Variants in SASH1 observed in about 807,000 individuals in gnomAD.
SASH1 encodes SAM and SH3 domain-containing protein 1.
Under a neutral mutation model 125.2 loss-of-function variants are expected in SASH1, and 44 were observed. The observed-to-expected ratio is 0.35, with a 90% CI of 0.28 to 0.45. The LOEUF (loss-of-function observed/expected upper bound fraction) is 0.45. Among genes scored for constraint, SASH1 ranks in the 20% least tolerant of loss-of-function variants. The pLI is 1.00. For missense variants in SASH1, 1,426 were observed against 1,614.5 expected (o/e 0.88, Z 2.00); for synonymous variants, 639 against 649.1 (o/e 0.98, Z 0.24).
chr6:148,292,336 G>C (rs1197927585), intron 1 of SASH1, among the ~76,000 whole-genome samples: 1 of 152,156 alleles, frequency 6.6e-6, no homozygotes, highest in Non-Finnish European at 1.5e-5. Flanking sequence ...TGGGCAGAAG[G>C]TGACACATTT....
intron 1 of SASH1, among the ~76,000 whole-genome samples, chr6:148,378,201 G>A (rs965354788): frequency 2.0e-5 from 3 of 151,742 alleles, no homozygotes; most frequent in East Asian, 1.9e-4. Flanking sequence ...ACAGGCATGC[G>A]CCACCATGCC....
chr6:148,390,228 T>G lies in SASH1; in HGVS notation c.251T>G (p.Leu84Arg). 6.2e-7 allele frequency: 1 copy of G among 1,612,612 alleles called. No homozygotes were observed. The highest frequency in any genetic ancestry group is 1.1e-5 in the South Asian group (1 of 91,020). ...FSDVCERMEE[L>R]RKRRVSQDLE... ...GACGTGTGCGAGAGGATGGAGGAGCTGCGGAAACGGCGGGTTTCCCAGGAC... is the reference window on the plus strand; with the variant it reads ...GACGTGTGCGAGAGGATGGAGGAGCGGCGGAAACGGCGGGTTTCCCAGGAC... Residue 84 changes from leucine to arginine, a missense_variant, in exon 2 of 20, where the codon CTG (leucine) becomes CGG (arginine). Around this residue, in one of 3 missense-constraint regions of SASH1, gnomAD observed 567 missense variants for 575.6 expected, o/e 0.99. Transcript: ENST00000367467.
chr6:148,353,543 T>G (rs375213636), intron 1 of SASH1, among the ~76,000 whole-genome samples: 26 of 150,126 alleles, frequency 1.7e-4, no homozygotes, highest in African/African-American at 6.1e-4. Flanking sequence ...CAAATGATTC[T>G]CCTGCCTCAG....
In SASH1 at chr6:148,544,853, C is replaced by T; in HGVS notation, c.3348+35C>T. ...GTCCTGGGCCCACCACGTTCACAGGCCTTTGTTTGTAGAAGTCAGGCAGCC... is the reference window on the plus strand; with the variant it reads ...GTCCTGGGCCCACCACGTTCACAGGTCTTTGTTTGTAGAAGTCAGGCAGCC... On this transcript the variant is annotated intron_variant, in intron 18 of 19. Transcript: ENST00000367467. This position sits in a 1 kb window ranked among gnomAD's most constrained non-coding sequence, Gnocchi z 6.4. 1 of 1,513,720 alleles carries T rather than the reference C, an allele frequency of 6.6e-7. No homozygotes were observed. The highest frequency in any genetic ancestry group is 8.9e-7 in the Non-Finnish European group (1 of 1,128,916). 93.8% of individuals were successfully genotyped at this position (1,513,720 alleles called of 1,614,324 possible).
chr6:148,490,750 T>C (rs1779074893), intron 8 of SASH1, among the ~76,000 whole-genome samples: 1 of 152,198 alleles, frequency 6.6e-6, no homozygotes, highest in African/African-American at 2.4e-5. Context: ...ACGCTGATGG[T>C]TTTCCATTTC....
Position 148,447,642 on chromosome 6 carries a change from C to T in SASH1, c.386+7235C>T, listed in dbSNP as rs568465618. ...TCCTCCCCTTCCTTCTCCTCCTCCTCCTCCTTTTCCTCCTCTTCTTCCTCT... is the reference window on the plus strand; with the variant it reads ...TCCTCCCCTTCCTTCTCCTCCTCCTTCTCCTTTTCCTCCTCTTCTTCCTCT... On this transcript the variant is annotated intron_variant, in intron 4 of 19. Coordinates refer to ENST00000367467, the MANE Select transcript of SASH1 (RefSeq NM_015278.5). 2.0e-5 allele frequency among the ~76,000 whole-genome samples: 3 copies of T among 151,746 alleles called. No homozygotes were observed. In the East Asian group the frequency reaches 5.8e-4, roughly 30 times the overall value.
Position 148,368,185 on chromosome 6 carries a change from G to A in SASH1, c.157-21949G>A, listed in dbSNP as rs147397513. 1.2e-3 allele frequency among the ~76,000 whole-genome samples: 183 copies of A among 152,292 alleles called. 3 individuals are homozygous for A. The highest frequency in any genetic ancestry group is 4.0e-3 in the African/African-American group (166 of 41,566). On this transcript the variant is annotated intron_variant, in intron 1 of 19. Transcript: ENST00000367467. The stretch of plus-strand genomic sequence containing the variant: ...AGTAAGGTTAGCTTAAGCTTGTTGT[G>A]TGCCCAACTGCAGTGAGCCCGTACT...
chr6:148,480,672 T>A lies in SASH1; in HGVS notation c.627+6450T>A, dbSNP rs2115171945. 3 of 153,668 alleles carry A rather than the reference T, an allele frequency of 2.0e-5. No individual in the cohort carries two copies. In the South Asian group the frequency reaches 6.2e-4, roughly 32 times the overall value. 9.5% of individuals were successfully genotyped at this position (153,668 alleles called of 1,614,324 possible). On this transcript the variant is annotated intron_variant, in intron 7 of 19. Transcript: ENST00000367467. The stretch of plus-strand genomic sequence containing the variant: ...TTTCATTTGTATGAATTTGATTTCA[T>A]TGATGGATATTTTCCCACTGTAAAT...
intron 4 of SASH1, among the ~76,000 whole-genome samples, chr6:148,462,561 C>A (rs1393038629): frequency 6.6e-6 from 1 of 152,086 alleles, no homozygotes; most frequent in Non-Finnish European, 1.5e-5. Context: ...GGGGGTCTTG[C>A]AATAGCCAGA....
chr6:148,298,402 G>A (rs558270100), intron 1 of SASH1, among the ~76,000 whole-genome samples: 1 of 152,256 alleles, frequency 6.6e-6, no homozygotes, highest in African/African-American at 2.4e-5. Context: ...GGCTGAGGCA[G>A]GAGGATTGCT....
intron 7 of SASH1, among the ~76,000 whole-genome samples, chr6:148,486,827 G>T (rs535204900): frequency 6.8e-6 from 1 of 147,548 alleles, no homozygotes; most frequent in East Asian, 2.0e-4. Context: ...CGGGATGCTG[G>T]GGTGGGATCG....
intron 1 of SASH1, among the ~76,000 whole-genome samples, chr6:148,374,058 C>T (rs1356656090): frequency 2.0e-5 from 3 of 152,224 alleles, no homozygotes; most frequent in Non-Finnish European, 4.4e-5. Flanking sequence ...TCCATCCTGA[C>T]AGAATCAACT....
At chr6:148,401,693 G>A (rs1784173626) in intron 2 of SASH1, among the ~76,000 whole-genome samples, 2 of 152,158 alleles carry the variant, frequency 1.3e-5, no homozygotes, top group African/African-American at 4.8e-5. Flanking sequence ...CCCAGCAGAA[G>A]CTGATGAAAC....
chr6:148,239,650 T>C, the SASH1 span, among the ~76,000 whole-genome samples: 1 of 151,602 alleles, frequency 6.6e-6, no homozygotes, highest in South Asian at 2.1e-4. Context: ...AGTTCTTTCA[T>C]CTGTAAAAGT....
At chr6:148,262,463 C>T in the SASH1 span, among the ~76,000 whole-genome samples, 1 of 152,124 alleles carries the variant, frequency 6.6e-6, no homozygotes, top group Non-Finnish European at 1.5e-5. Context: ...ACCCAAGCTC[C>T]CTGTTGGCTT....
chr6:148,535,883 G>A (rs1312354020), intron 16 of SASH1, among the ~76,000 whole-genome samples: 2 of 152,076 alleles, frequency 1.3e-5, no homozygotes, highest in African/African-American at 2.4e-5. Flanking sequence ...GGTTAATGGT[G>A]GAAAAAAGAA....
chr6:148,381,330 T>A (rs1030434321), intron 1 of SASH1, among the ~76,000 whole-genome samples: 2 of 152,166 alleles, frequency 1.3e-5, no homozygotes, highest in African/African-American at 4.8e-5. Context: ...AATCCTAGGG[T>A]CAAGCAGGCT....
intron 5 of SASH1, among the ~76,000 whole-genome samples, chr6:148,469,461 A>G (rs1392992893): frequency 6.6e-6 from 1 of 152,238 alleles, no homozygotes; most frequent in Non-Finnish European, 1.5e-5. Flanking sequence ...CAGCCTGTGC[A>G]GTGGCTCACT....
At chr6:148,207,643 C>T in the SASH1 span, among the ~76,000 whole-genome samples, 1 of 152,164 alleles carries the variant, frequency 6.6e-6, no homozygotes, top group African/African-American at 2.4e-5. Context: ...TGGGATGGCG[C>T]AGACACAGAC....
Sources: gnomAD v4.1 joint callset for allele counts (sites outside exome capture counted in the v4.1 genomes callset) on GRCh38, gnomAD v4.1.1 for gene constraint, gnomAD v4.1.1 regional missense constraint, Gnocchi (gnomAD v3.1) non-coding constraint, MANE v1.5 for transcripts, NCBI Gene and HGNC (gene_info 2026-07-23, HGNC 2026-07-21) for gene names.